The following ACTR3C variants were observed in gnomAD, a reference collection of about 807,000 sequenced individuals.
ACTR3C encodes actin-related protein 3C.
A neutral mutation model predicts 26.3 loss-of-function variants in ACTR3C; 18 were observed. The observed-to-expected ratio is 0.68, with a 90% CI of 0.47 to 1.01. ACTR3C has a LOEUF of 1.01. ACTR3C is among the 50% of genes least tolerant of loss of function. The pLI is 0.00. For synonymous variants in ACTR3C, 55 were observed against 94.5 expected (o/e 0.58, Z 2.42); for missense variants, 184 against 250.7 (o/e 0.73, Z 1.80).
At chr7:150,117,605 C>T in the ACTR3C span, among the ~76,000 whole-genome samples, 1 of 152,214 alleles carries the variant, frequency 6.6e-6, no homozygotes, top group East Asian at 1.9e-4. Flanking sequence ...AGATAAAACT[C>T]CCATCTCCCT....
At chr7:150,169,388 G>GAAAA in the ACTR3C span, among the ~76,000 whole-genome samples, 2,340 of 120,078 alleles carry the variant, frequency 0.019, 63 homozygotes, top group Non-Finnish European at 0.023. Context: ...ATTTCAAAAG[G>GAAAA]AAAAAAAAAA....
chr7:150,264,234 C>T (rs1380361319), intron 6 of ACTR3C, among the ~76,000 whole-genome samples: 5 of 152,228 alleles, frequency 3.3e-5, no homozygotes, highest in Admixed American at 1.3e-4. Context: ...GCTTCCTCAC[C>T]GTGAAACGTC....
At chr7:150,148,253 C>T in the ACTR3C span, among the ~76,000 whole-genome samples, 2 of 150,864 alleles carry the variant, frequency 1.3e-5, no homozygotes, top group Admixed American at 6.6e-5. Context: ...CTGATGAGGG[C>T]GGATCACGAG....
At chr7:150,286,892 GCACCTCACTGT>G (rs1444664246) in intron 4 of ACTR3C, among the ~76,000 whole-genome samples, 1 of 151,870 alleles carries the variant, frequency 6.6e-6, no homozygotes, top group Non-Finnish European at 1.5e-5. Context: ...GCCTGCTCTG[GCACCTCACTGT>G]GGTCCACACT....
At chr7:150,312,882 G>A (rs540217039) in intron 1 of ACTR3C, among the ~76,000 whole-genome samples, 1 of 152,300 alleles carries the variant, frequency 6.6e-6, no homozygotes, top group African/African-American at 2.4e-5. Context: ...ATGTCCAGAT[G>A]GCCTGCAGGA....
the ACTR3C span, among the ~76,000 whole-genome samples, chr7:150,129,536 G>A: frequency 6.6e-5 from 10 of 152,088 alleles, no homozygotes; most frequent in African/African-American, 2.2e-4. Context: ...CAGTTGTTCA[G>A]CAAATTTGTA....
chr7:150,125,126 T>C, the ACTR3C span, among the ~76,000 whole-genome samples: 1 of 152,208 alleles, frequency 6.6e-6, no homozygotes, highest in Non-Finnish European at 1.5e-5. Context: ...TGACTTCCAG[T>C]TCATGTTTTA....
At chr7:149,941,873 A>G in the ACTR3C span, among the ~76,000 whole-genome samples, 96 of 152,134 alleles carry the variant, frequency 6.3e-4, no homozygotes, top group Non-Finnish European at 1.3e-3. Context: ...CCAATCAGGC[A>G]AGGATCGAGG....
the ACTR3C span, among the ~76,000 whole-genome samples, chr7:150,048,549 C>T: frequency 1.3e-5 from 2 of 151,734 alleles, no homozygotes; most frequent in Non-Finnish European, 1.5e-5. Context: ...GCTGCGCGTG[C>T]CCCGCAGCAC....
At chr7:150,080,675 G>A in the ACTR3C span, among the ~76,000 whole-genome samples, 1 of 152,118 alleles carries the variant, frequency 6.6e-6, no homozygotes, top group Non-Finnish European at 1.5e-5. Context: ...AGCATGGGGT[G>A]AGATTCCACA....
the ACTR3C span, chr7:150,047,662 C>T: frequency 9.8e-7 from 1 of 1,022,368 alleles, no homozygotes; most frequent in Non-Finnish European, 1.2e-6. Flanking sequence ...GGCCGGCCAT[C>T]CGCGCCGCCG....
At chr7:150,109,410 AT>A in the ACTR3C span, among the ~76,000 whole-genome samples, 10 of 151,366 alleles carry the variant, frequency 6.6e-5, no homozygotes, top group East Asian at 1.9e-4. Flanking sequence ...ATATATAAGT[AT>A]TTTTTTTTAA....
the ACTR3C span, among the ~76,000 whole-genome samples, chr7:149,977,798 A>T: frequency 6.6e-6 from 1 of 152,242 alleles, no homozygotes; most frequent in Non-Finnish European, 1.5e-5. Context: ...GGTAAAGAGT[A>T]TGGTGACATG....
the ACTR3C span, among the ~76,000 whole-genome samples, chr7:150,120,382 TA>T: frequency 6.6e-6 from 1 of 151,564 alleles, no homozygotes; most frequent in Non-Finnish European, 1.5e-5. Context: ...ATAGACACAA[TA>T]AAAAATGATA....
At chr7:150,173,408 G>T in the ACTR3C span, among the ~76,000 whole-genome samples, 1 of 146,982 alleles carries the variant, frequency 6.8e-6, no homozygotes, top group Admixed American at 6.6e-5. Flanking sequence ...CATGGCTGGA[G>T]TAACTGGGAC....
chr7:150,207,623 G>A, the ACTR3C span, among the ~76,000 whole-genome samples: 1 of 149,592 alleles, frequency 6.7e-6, no homozygotes, highest in East Asian at 1.9e-4. Context: ...TCAAAAAAAA[G>A]GGGAGATAAA....
At chr7:150,079,353 G>A in the ACTR3C span, among the ~76,000 whole-genome samples, 6 of 152,126 alleles carry the variant, frequency 3.9e-5, no homozygotes, top group East Asian at 3.9e-4. Flanking sequence ...TCCTGTCCTC[G>A]TCCACTAAAT....
the ACTR3C span, among the ~76,000 whole-genome samples, chr7:150,226,053 T>C: frequency 6.6e-6 from 1 of 152,246 alleles, no homozygotes; most frequent in Non-Finnish European, 1.5e-5. Flanking sequence ...CTAAATAGTA[T>C]TTCATTCTAT....
chr7:150,270,899 A>C (rs1328809062), intron 6 of ACTR3C, among the ~76,000 whole-genome samples: 1 of 152,136 alleles, frequency 6.6e-6, no homozygotes, highest in Admixed American at 6.5e-5. Context: ...CTCACAGGTC[A>C]TCTTTTCAGG....
Sources: allele counts gnomAD v4.1 joint callset (sites outside exome capture counted in the v4.1 genomes callset), GRCh38; gene constraint gnomAD v4.1.1; transcripts MANE v1.5; gene names NCBI Gene and HGNC (gene_info 2026-07-23, HGNC 2026-07-21).